The following PRKDC variants were observed in gnomAD, a reference collection of about 807,000 sequenced individuals.
PRKDC encodes protein kinase, DNA-activated, catalytic subunit.
PRKDC carries 82 observed loss-of-function variants against 486.9 expected under a neutral mutation model. The ratio of observed to expected loss-of-function variants is 0.17; its 90% CI spans 0.14 to 0.20. The LOEUF is 0.20. PRKDC is among the 10% of genes least tolerant of loss of function. The probability of loss-of-function intolerance (pLI) is 1.00; values close to 1 mark genes in which losing one functional copy is unlikely to be tolerated. For synonymous variants in PRKDC, 1,895 were observed against 1,837.0 expected, an observed-to-expected ratio of 1.03 and a Z score of -0.81; for missense variants, 4,504 against 5,038.2, an observed-to-expected ratio of 0.89 and a Z score of 3.21.
At position 47,879,574 on chromosome 8, in the gene PRKDC, T is replaced by C. The variant is rs746877970; in HGVS notation, c.5152A>G (p.Ile1718Val). The C allele has an allele frequency of 1.3e-6, 2 of 1,598,442 alleles. No homozygotes were observed. Among genetic ancestry groups the C allele is most frequent in the Admixed American group, 3.5e-5 (2 of 57,596 alleles). ...EELRRVLEQL[I>V]VAHFPMQSRE... Reference sequence around the variant, plus strand: ...GACTGCATGGGGAAGTGAGCAACGATGAGCTGCTCCAGAACACGTCTAAGT... The same window carrying C: ...GACTGCATGGGGAAGTGAGCAACGACGAGCTGCTCCAGAACACGTCTAAGT... Residue 1718 changes from isoleucine (I) to valine (V), a missense_variant, in exon 39 of 86, where the codon ATC becomes GTC. By Grantham distance (29) the Ile-to-Val change is conservative. This residue lies in a region of PRKDC where 1,969 missense variants were observed against 2,068.9 expected (regional missense o/e 0.95). Coordinates refer to ENST00000314191, the MANE Select transcript of PRKDC (RefSeq NM_006904.7).
At chr8:47,849,530 AC>A (rs1247493930) in intron 52 of PRKDC, 27 bp from the exon 53 acceptor site, 1 of 1,608,058 alleles carries the variant, frequency 6.2e-7, no homozygotes. Context: ...ATTTTCAAAT[AC>A]ACAAAAGTGG....
rs975482229 is a variant in PRKDC at position 47,837,241 on chromosome 8, C to G, written c.7732G>C (p.Glu2578Gln). 6.2e-7 allele frequency: 1 copy of G among 1,613,702 alleles called. No individual in the cohort carries two copies. Among genetic ancestry groups the G allele is most frequent in the South Asian group, 1.1e-5 (1 of 90,996 alleles). The change falls in exon 57 of 86, where the codon GAG (glutamate) becomes CAG (glutamine). Residue 2578 changes from glutamate to glutamine, a missense_variant. Physicochemically the swap from Glu to Gln is conservative, Grantham distance 29. Around this residue, in one of 6 missense-constraint regions of PRKDC, gnomAD observed 1,592 missense variants for 1,724.6 expected, o/e 0.92. Transcript: ENST00000314191. Reference protein sequence around the residue: ...MSPDYPNPMFEHPLSECEFQE... With the variant: ...MSPDYPNPMFQHPLSECEFQE... ...AATTCGCATTCTGACAGAGGATGCT[C>G]GAACATGGGGTTTGGATAATCTGGG...
At position 47,886,116 on chromosome 8, in the gene PRKDC, G is replaced by A; in HGVS notation, c.4604C>T (p.Pro1535Leu). Residue 1535 changes from proline (P) to leucine (L), a missense_variant, in exon 36 of 86, where the codon CCA becomes CTA. By Grantham distance (98) the Pro-to-Leu change is moderately conservative. This residue lies in a region of PRKDC where 1,969 missense variants were observed against 2,068.9 expected (regional missense o/e 0.95). Transcript: ENST00000314191. Reference sequence around the variant, plus strand: ...CAAGGACGCCGTGGACAGCACCGCTGGGTTCAGGAGAAGACTCACAAGGCG... The same window carrying A: ...CAAGGACGCCGTGGACAGCACCGCTAGGTTCAGGAGAAGACTCACAAGGCG... ...CERLVSLLLNPAVLSTASLGS... is the reference protein window; with the variant it reads ...CERLVSLLLNLAVLSTASLGS... 6.2e-7 allele frequency: 1 copy of A among 1,611,192 alleles called. No individual in the cohort carries two copies. Among genetic ancestry groups the A allele is most frequent in the Non-Finnish European group, 8.5e-7 (1 of 1,179,100 alleles).
At chr8:47,828,928 A>G (rs772525182) in intron 61 of PRKDC, among the ~76,000 whole-genome samples, 1 of 152,198 alleles carries the variant, frequency 6.6e-6, no homozygotes, top group African/African-American at 2.4e-5. Context: ...ATAGCACACT[A>G]CCTAATCATT....
intron 68 of PRKDC, among the ~76,000 whole-genome samples, chr8:47,816,414 G>C (rs1167006179): frequency 6.6e-6 from 1 of 152,104 alleles, no homozygotes; most frequent in Non-Finnish European, 1.5e-5. Context: ...AGACACATCA[G>C]ATAAATAGAG....
In PRKDC at chr8:47,831,796, T is replaced by C. The variant is rs1174156804; in HGVS notation, c.8265+18A>G. Reference sequence around the variant, plus strand: ...AGAAACTGCATCGTTCTGATCAAATTCTTGACAAGATACAAACCTTCTCTC... The same window carrying C: ...AGAAACTGCATCGTTCTGATCAAATCCTTGACAAGATACAAACCTTCTCTC... On this transcript the variant is annotated intron_variant, in intron 60 of 85. Coordinates refer to ENST00000314191, the MANE Select transcript of PRKDC (RefSeq NM_006904.7). The C allele has an allele frequency of 6.2e-7, 1 of 1,610,588 alleles. No homozygotes were observed. The highest frequency in any genetic ancestry group is 1.1e-5 in the South Asian group (1 of 91,004).
rs565084894 is a variant in PRKDC at position 47,785,228 on chromosome 8, G to T, written c.10992C>A (p.Asn3664Lys). 4 of 1,613,840 alleles carry T rather than the reference G, an allele frequency of 2.5e-6. No individual in the cohort carries two copies. In the East Asian group the frequency reaches 8.9e-5, roughly 36 times the overall value. The change falls in exon 77 of 86, where the codon AAC becomes AAA. Residue 3664 changes from asparagine (N) to lysine (K), a missense_variant. Coordinates refer to ENST00000314191, the MANE Select transcript of PRKDC (RefSeq NM_006904.7). The part of the protein sequence containing the change: ...MKLSDFNDIT[N>K]MLLLKMNKDS... ...CTTTGTTCATTTTTAAAAGTAGCAT[G>T]TTGGTAATGTCGTTGAAGTCACTGA...
Position 47,826,800 on chromosome 8 carries a change from C to T in PRKDC, c.8639G>A (p.Cys2880Tyr). 1.9e-6 allele frequency: 3 copies of T among 1,608,222 alleles called. No homozygotes were observed. Among genetic ancestry groups the T allele is most frequent in the Non-Finnish European group, 2.5e-6 (3 of 1,177,498 alleles). The change falls in exon 63 of 86, where the codon TGC becomes TAC. Residue 2880 changes from cysteine (C) to tyrosine (Y), a missense_variant. By Grantham distance (194) the Cys-to-Tyr change is radical (BLOSUM62 -2). Coordinates refer to ENST00000314191, the MANE Select transcript of PRKDC (RefSeq NM_006904.7). ...SLDPAAVSAG[C>Y]LASLQQPVGI... ...CACGGGCTGCTGTAGGCTGGCCAGG[C>T]AACCAGCGCTAACAGCCGCTGGGTC...
At chr8:47,849,126 C>T (rs1482132864) in intron 54 of PRKDC, 28 bp downstream of exon 54, 2 of 1,608,536 alleles carry the variant, frequency 1.2e-6, no homozygotes, top group Non-Finnish European at 1.7e-6. Flanking sequence ...GCCAGTGGGA[C>T]CCAAGAGCAG....
Position 47,821,768 on chromosome 8 carries a change from C to G in PRKDC, c.8947G>C (p.Asp2983His). The G allele has an allele frequency of 1.9e-6, 3 of 1,572,518 alleles. No individual in the cohort carries two copies. The highest frequency in any genetic ancestry group is 2.6e-6 in the Non-Finnish European group (3 of 1,165,188). The change falls in exon 65 of 86, where the codon GAT becomes CAT. Residue 2983 changes from aspartate (D) to histidine (H), a missense_variant. By Grantham distance (81) the Asp-to-His change is moderately conservative. Coordinates refer to ENST00000314191, the MANE Select transcript of PRKDC (RefSeq NM_006904.7). ...DEALNKQDWV[D>H]GEPTEAEKDF... ...TTCTCGGCTTCTGTGGGCTCACCAT[C>G]TACCCAGTCTTGTTTATTGAGAGCC... is the stretch of plus-strand genomic sequence containing the variant.
intron 40 of PRKDC, among the ~76,000 whole-genome samples, chr8:47,875,234 G>A (rs2089066374): frequency 6.6e-6 from 1 of 152,084 alleles, no homozygotes. Context: ...GAATTTGCTG[G>A]CCTAATATTT....
intron 55 of PRKDC, 130 bp downstream of exon 55, chr8:47,839,886 A>C (rs1250250942): frequency 1.1e-5 from 7 of 641,910 alleles, no homozygotes; most frequent in Non-Finnish European, 1.5e-5. Context: ...AGATGGAAGG[A>C]TCAACTGAGC....
chr8:47,857,144 A>G lies in PRKDC; in HGVS notation c.6609+12T>C, dbSNP rs969860597. The G allele has an allele frequency of 4.3e-6, 7 of 1,611,476 alleles. No homozygotes were observed. The highest frequency in any genetic ancestry group is 1.6e-4 in the Middle Eastern group (1 of 6,070). On this transcript the variant is annotated intron_variant, in intron 49 of 85. Coordinates refer to ENST00000314191, the MANE Select transcript of PRKDC (RefSeq NM_006904.7). ...GATAATATATTAACATAAAAGATGC[A>G]TCAATCCTTACTGTTGGAGTGGCCA...
rs376478493 is a variant in PRKDC, at chr8:47,858,588, G to A, written c.6393C>T (p.Gly2131=). The A allele has an allele frequency of 3.8e-6, 6 of 1,559,128 alleles. No homozygotes were observed. In the African/African-American group the frequency reaches 8.2e-5, roughly 21 times the overall value. ...DLPSWMKFLH[G]KLGNPIVPLN... is the part of the protein sequence containing the mutation. ...ATGGTACTATTGGATTTCCCAGTTT[G>A]CCATGGAGGAATTTCATCCAAGAAG... Residue 2131 remains glycine (G), a synonymous_variant, in exon 48 of 86, where the codon GGC becomes GGT. Transcript: ENST00000314191.
At chr8:47,854,001 AT>A in intron 51 of PRKDC, 81 bp downstream of exon 51, 1 of 1,535,254 alleles carries the variant, frequency 6.5e-7, no homozygotes, top group Admixed American at 1.9e-5. Context: ...GGTCCTTAAA[AT>A]TATCAAAACT....
chr8:47,956,711 AAAAC>A (rs1396662357), intron 3 of PRKDC, among the ~76,000 whole-genome samples: 1 of 151,874 alleles, frequency 6.6e-6, no homozygotes, highest in African/African-American at 2.4e-5. Context: ...TCACAAAATA[AAAAC>A]AAATAAACAA....
chr8:47,779,357 C>G (rs1339986365), intron 80 of PRKDC: 8 of 338,042 alleles, frequency 2.4e-5, no homozygotes, highest in Non-Finnish European at 4.3e-5. Context: ...TCAGATCCAA[C>G]AAATTTCCCA....
chr8:47,922,113 A>G (rs2090082532), intron 21 of PRKDC, among the ~76,000 whole-genome samples: 3 of 151,438 alleles, frequency 2.0e-5, no homozygotes, highest in Non-Finnish European at 2.9e-5. Flanking sequence ...TACAGGTGTG[A>G]GCCACAGCAC....
In PRKDC at chr8:47,886,823, GACT is replaced by G. The variant is rs542267898; in HGVS notation, c.4573-679_4573-677del. ...CCACCTCAGCCTCTTGTGTAGCTGGGACTACAAGCATGTGCCACCATACCTGGC... is the reference window on the plus strand; with the variant it reads ...CCACCTCAGCCTCTTGTGTAGCTGGGACAAGCATGTGCCACCATACCTGGC... On this transcript the variant is annotated intron_variant, in intron 35 of 85. Transcript: ENST00000314191. Among the ~76,000 whole-genome samples, 88 of 152,074 alleles carry G rather than the reference GACT, an allele frequency of 5.8e-4. No homozygotes were observed. In the East Asian group the frequency reaches 0.016, roughly 28 times the overall value.
Sources: allele counts gnomAD v4.1 joint callset (sites outside exome capture counted in the v4.1 genomes callset), GRCh38; gene constraint gnomAD v4.1.1; regional missense constraint gnomAD v4.1.1; transcripts MANE v1.5; gene names NCBI Gene and HGNC (gene_info 2026-07-23, HGNC 2026-07-21).